The following CKAP4 variants were observed in gnomAD, a reference collection of about 807,000 sequenced individuals.
CKAP4 encodes cytoskeleton associated protein 4.
Under a neutral mutation model 24.4 loss-of-function variants are expected in CKAP4, and 20 were observed. The ratio of observed to expected loss-of-function variants is 0.82; its 90% CI spans 0.58 to 1.19. CKAP4 has a LOEUF of 1.19. CKAP4 is among the 50% of genes most tolerant of loss of function. CKAP4 has a pLI of 0.00. For missense variants in CKAP4, 744 were observed against 765.3 expected, an observed-to-expected ratio of 0.97 and a Z score of 0.33; for synonymous variants, 378 against 351.7, an observed-to-expected ratio of 1.07 and a Z score of -0.84.
chr12:106,247,302 A>T lies in CKAP4; in HGVS notation c.483+67T>A. ...CGCTAGGGGCCGGTCGGGAAGCACG[A>T]AGGAGCCCGGCCGTGGGTCCGGAGG... On this transcript the variant is annotated intron_variant, in intron 1 of 1. Transcript: ENST00000378026. This position sits in a 1 kb window ranked among gnomAD's most constrained non-coding sequence, Gnocchi z 4.5. 2 of 1,401,598 alleles carry T rather than the reference A, an allele frequency of 1.4e-6. No individual in the cohort carries two copies. The highest frequency in any genetic ancestry group is 1.9e-6 in the Non-Finnish European group (2 of 1,050,914). The allele number at this position is 1,401,598 out of a possible 1,614,324, so 86.8% of individuals were successfully genotyped here. A position where few individuals can be genotyped will look rare whatever the true frequency, so the allele number is the denominator to read the frequency against.
At position 106,238,885 on chromosome 12, in the gene CKAP4, C is replaced by T. The variant is rs1565947982; in HGVS notation, c.*139G>A. On this transcript the variant is annotated 3_prime_UTR_variant, in exon 2 of 2. Transcript: ENST00000378026. ...GTTAACTGGGCATGAAAATACAATG[C>T]CTTGGTGTTCAGGTGGTGACAACTG... is the stretch of plus-strand genomic sequence containing the variant. The T allele has an allele frequency of 1.2e-6, 1 of 828,776 alleles. No homozygotes were observed. Among genetic ancestry groups the T allele is most frequent in the Non-Finnish European group, 1.9e-6 (1 of 517,110 alleles). 51.3% of individuals were successfully genotyped at this position (828,776 alleles called of 1,614,324 possible). A position where few individuals can be genotyped will look rare whatever the true frequency, so the allele number is the denominator to read the frequency against.
chr12:106,246,101 G>T (rs1330336085), intron 1 of CKAP4, among the ~76,000 whole-genome samples: 1 of 152,176 alleles, frequency 6.6e-6, no homozygotes, highest in Non-Finnish European at 1.5e-5. Context: ...GGCTGTACTT[G>T]GTATGGAAAA....
chr12:106,247,800 G>A lies in CKAP4; in HGVS notation c.52C>T (p.Pro18Ser). ...GACGGGTGGGCACCCTTCTCCGAGG[G>A]GCTCGCGGCGCCGTGGCCGCCCTTG... Reference protein sequence around the residue: ...GSKGGHGAASPSEKGAHPSGG... With the variant: ...GSKGGHGAASSSEKGAHPSGG... Residue 18 changes from proline to serine, a missense_variant, in exon 1 of 2, where the codon CCC becomes TCC. Physicochemically the swap from Pro to Ser is moderately conservative, Grantham distance 74. This residue lies in a region of CKAP4 where 300 missense variants were observed against 264.5 expected (regional missense o/e 1.13). Coordinates refer to ENST00000378026, the MANE Select transcript of CKAP4 (RefSeq NM_006825.4). The surrounding 1 kb of genome is among the most constrained non-coding windows in gnomAD (Gnocchi z 4.5). 3 of 1,052,456 alleles carry A rather than the reference G, an allele frequency of 2.9e-6. No individual in the cohort carries two copies. The highest frequency in any genetic ancestry group is 3.4e-6 in the Non-Finnish European group (3 of 877,140). 65.2% of individuals were successfully genotyped at this position (1,052,456 alleles called of 1,614,324 possible).
intron 1 of CKAP4, among the ~76,000 whole-genome samples, chr12:106,245,126 A>T (rs563677952): frequency 2.0e-5 from 3 of 152,182 alleles, no homozygotes; most frequent in South Asian, 2.1e-4. Flanking sequence ...TCTCTCAAAC[A>T]TGCTCAAAAT....
Position 106,247,013 on chromosome 12 carries a change from T to C in CKAP4, c.483+356A>G, listed in dbSNP as rs999951941. On this transcript the variant is annotated intron_variant, in intron 1 of 1. Coordinates refer to ENST00000378026, the MANE Select transcript of CKAP4 (RefSeq NM_006825.4). The surrounding 1 kb of genome is among the most constrained non-coding windows in gnomAD (Gnocchi z 4.5). ...GCTCTGCCCATTCAGCGGTTCCTAA[T>C]GCAGAAAGAATGGGCTCCCCGGAGC... 3 of 208,354 alleles carry C rather than the reference T, an allele frequency of 1.4e-5. No individual in the cohort carries two copies. Among genetic ancestry groups the C allele is most frequent in the African/African-American group, 6.9e-5 (3 of 43,514 alleles). 12.9% of individuals were successfully genotyped at this position (208,354 alleles called of 1,614,324 possible).
chr12:106,239,142 G>A lies in CKAP4; in HGVS notation c.1691C>T (p.Ser564Leu), dbSNP rs780861074. ...RTAVDSLVAY[S>L]VKIETNENNL... Reference sequence around the variant, plus strand: ...GTTCTCGTTGGTTTCTATTTTGACCGAGTATGCAACCAAACTGTCCACAGC... The same window carrying A: ...GTTCTCGTTGGTTTCTATTTTGACCAAGTATGCAACCAAACTGTCCACAGC... The change falls in exon 2 of 2, where the codon TCG (serine) becomes TTG (leucine). Residue 564 changes from serine to leucine, a missense_variant. Transcript: ENST00000378026. This position sits in a 1 kb window ranked among gnomAD's most constrained non-coding sequence, Gnocchi z 4.9. 6.8e-6 allele frequency: 11 copies of A among 1,613,760 alleles called. No individual in the cohort carries two copies. The highest frequency in any genetic ancestry group is 2.2e-5 in the East Asian group (1 of 44,890).
rs1230368755 is a variant in CKAP4 at position 106,247,585 on chromosome 12, A to AGCGGCG, written c.261_266dup (p.Ala93_Ala94dup). ...CCGAGGACGAGGCGGCGGCGGCGGC[A>AGCGGCG]GCGGCGGCGGAGGCGGAGGAGGAGG... On this transcript the variant is annotated inframe_insertion, in exon 1 of 2. Transcript: ENST00000378026. The surrounding 1 kb of genome is among the most constrained non-coding windows in gnomAD (Gnocchi z 4.5). 19 of 1,337,412 alleles carry AGCGGCG rather than the reference A, an allele frequency of 1.4e-5. No homozygotes were observed. The highest frequency in any genetic ancestry group is 1.8e-5 in the Non-Finnish European group (19 of 1,037,566). The allele number at this position is 1,337,412 out of a possible 1,614,324, so 82.8% of individuals were successfully genotyped here.
At chr12:106,245,321 T>C (rs2033999187) in intron 1 of CKAP4, among the ~76,000 whole-genome samples, 1 of 152,116 alleles carries the variant, frequency 6.6e-6, no homozygotes, top group Non-Finnish European at 1.5e-5. Flanking sequence ...ATTCGTGTCT[T>C]TTGCTCCTTC....
chr12:106,245,184 C>T (rs934247169), intron 1 of CKAP4, among the ~76,000 whole-genome samples: 2 of 152,146 alleles, frequency 1.3e-5, no homozygotes, highest in African/African-American at 4.8e-5. Context: ...CAACATTTAT[C>T]GATCACCAGC....
Position 106,240,203 on chromosome 12 carries a change from C to A in CKAP4, c.630G>T (p.Glu210Asp). 1 of 1,614,196 alleles carries A rather than the reference C, an allele frequency of 6.2e-7. No homozygotes were observed. The highest frequency in any genetic ancestry group is 8.5e-7 in the Non-Finnish European group (1 of 1,180,040). Reference sequence around the variant, plus strand: ...TCCCATCCGAGAGGTCTTTGAGAATCTCATTCTGGAGTTTCTGCAGCACTT... The same window carrying A: ...TCCCATCCGAGAGGTCTTTGAGAATATCATTCTGGAGTTTCTGCAGCACTT... Reference protein sequence around the residue: ...ISEVLQKLQNEILKDLSDGIH... With the variant: ...ISEVLQKLQNDILKDLSDGIH... Residue 210 changes from glutamate (E) to aspartate (D), a missense_variant, in exon 2 of 2, where the codon GAG (glutamate) becomes GAT (aspartate). By Grantham distance (45) the Glu-to-Asp change is conservative. Transcript: ENST00000378026.
At chr12:106,242,050 G>A (rs577077599) in intron 1 of CKAP4, among the ~76,000 whole-genome samples, 40 of 152,252 alleles carry the variant, frequency 2.6e-4, no homozygotes, top group Admixed American at 1.3e-4. Flanking sequence ...AAAACAGCAC[G>A]GTCTCTGGAG....
intron 1 of CKAP4, among the ~76,000 whole-genome samples, chr12:106,246,134 G>C (rs1157258177): frequency 6.6e-6 from 1 of 152,202 alleles, no homozygotes; most frequent in African/African-American, 2.4e-5. Flanking sequence ...TGGAAGCTAA[G>C]CACCTTCGCC....
chr12:106,246,142 G>A (rs536249857), intron 1 of CKAP4, among the ~76,000 whole-genome samples: 3 of 152,152 alleles, frequency 2.0e-5, no homozygotes, highest in Non-Finnish European at 4.4e-5. Flanking sequence ...AAGCACCTTC[G>A]CCTTGAGAGT....
chr12:106,247,955 G>C lies in CKAP4; in HGVS notation c.-104C>G. 1 of 717,448 alleles carries C rather than the reference G, an allele frequency of 1.4e-6. No individual in the cohort carries two copies. The highest frequency in any genetic ancestry group is 1.7e-6 in the Non-Finnish European group (1 of 581,896). 44.4% of individuals were successfully genotyped at this position (717,448 alleles called of 1,614,324 possible). On this transcript the variant is annotated 5_prime_UTR_variant, in exon 1 of 2. Transcript: ENST00000378026. The surrounding 1 kb of genome is among the most constrained non-coding windows in gnomAD (Gnocchi z 4.5). ...TCCCCCGGGACTGGGCGAGCGGCAC[G>C]CGGGCGCTGCTGGCGTCGGAGCGGC... is the stretch of plus-strand genomic sequence containing the variant.
At chr12:106,240,944 G>A (rs1215740) in intron 1 of CKAP4, among the ~76,000 whole-genome samples, 100,710 of 152,046 alleles carry the variant, frequency 0.66, 34,215 homozygotes, top group African/African-American at 0.82. Context: ...GAACAAACCA[G>A]CTGTTAAAAA....
Position 106,247,992 on chromosome 12 carries a change from C to T in CKAP4, c.-141G>A. The stretch of plus-strand genomic sequence containing the variant: ...GGCGTCGGAGCGGCGAGAGGACGCG[C>T]GGCCGGGGAAGGAGGCCGGGCCGAG... On this transcript the variant is annotated 5_prime_UTR_variant, in exon 1 of 2. Transcript: ENST00000378026. The surrounding 1 kb of genome is among the most constrained non-coding windows in gnomAD (Gnocchi z 4.5). 2.3e-6 allele frequency: 1 copy of T among 427,472 alleles called. No homozygotes were observed. The highest frequency in any genetic ancestry group is 3.1e-6 in the Non-Finnish European group (1 of 318,070). The allele number at this position is 427,472 out of a possible 1,614,324, so 26.5% of individuals were successfully genotyped here.
chr12:106,245,315 G>C (rs932181333), intron 1 of CKAP4, among the ~76,000 whole-genome samples: 3 of 152,066 alleles, frequency 2.0e-5, no homozygotes, highest in Non-Finnish European at 2.9e-5. Flanking sequence ...CAAGTGATTC[G>C]TGTCTTTTGC....
intron 1 of CKAP4, among the ~76,000 whole-genome samples, chr12:106,246,491 C>T (rs2034010888): frequency 1.3e-5 from 2 of 152,252 alleles, no homozygotes; most frequent in South Asian, 4.1e-4. Flanking sequence ...GCCTGTAATC[C>T]CAGCACTTTG....
intron 1 of CKAP4, among the ~76,000 whole-genome samples, chr12:106,244,729 G>A (rs2033993728): frequency 6.6e-6 from 1 of 152,188 alleles, no homozygotes; most frequent in Non-Finnish European, 1.5e-5. Context: ...GTTCAAGGCT[G>A]CAGTGAGCTA....
Sources: gnomAD v4.1 joint callset for allele counts (sites outside exome capture counted in the v4.1 genomes callset) on GRCh38, gnomAD v4.1.1 for gene constraint, gnomAD v4.1.1 regional missense constraint, Gnocchi (gnomAD v3.1) non-coding constraint, MANE v1.5 for transcripts, NCBI Gene and HGNC (gene_info 2026-07-23, HGNC 2026-07-21) for gene names.